The following SLC22A15 variants were observed in gnomAD, a reference collection of about 807,000 sequenced individuals.
SLC22A15 encodes solute carrier family 22 member 15.
In SLC22A15, 45 loss-of-function variants were observed where a neutral mutation model predicts 62.7. The ratio of observed to expected loss-of-function variants is 0.72; its 90% CI spans 0.56 to 0.92. SLC22A15 has a LOEUF of 0.92. Ranked by LOEUF, SLC22A15 falls within the 40% of genes least tolerant of loss-of-function variation. The pLI is 0.00. For synonymous variants in SLC22A15, 264 were observed against 267.0 expected, an observed-to-expected ratio of 0.99 and a Z score of 0.11; for missense variants, 622 against 665.6, an observed-to-expected ratio of 0.93 and a Z score of 0.72.
chr1:115,991,284 T>A (rs1655129538), intron 1 of SLC22A15, among the ~76,000 whole-genome samples: 1 of 152,210 alleles, frequency 6.6e-6, no homozygotes, highest in African/African-American at 2.4e-5. Context: ...ATGGCATATA[T>A]GTTTAATAAA....
At chr1:116,021,789 T>C (rs571465896) in intron 4 of SLC22A15, among the ~76,000 whole-genome samples, 83 of 152,306 alleles carry the variant, frequency 5.4e-4, no homozygotes, top group Admixed American at 9.2e-4. Flanking sequence ...GATGATGAAA[T>C]TGAGCCTTTG....
intron 6 of SLC22A15, 159 bp downstream of exon 6, chr1:116,031,740 T>G: frequency 6.9e-7 from 1 of 1,440,868 alleles, no homozygotes; most frequent in Non-Finnish European, 9.1e-7. Flanking sequence ...GCGCCTGGTT[T>G]TCTGCTTGCG....
chr1:116,045,738 CA>C (rs34360597), intron 8 of SLC22A15, among the ~76,000 whole-genome samples: 2,197 of 101,576 alleles, frequency 0.022, 32 homozygotes, highest in African/African-American at 0.079. Flanking sequence ...GACTCCATCT[CA>C]AAAAAAAAAA....
intron 2 of SLC22A15, among the ~76,000 whole-genome samples, chr1:116,011,486 T>C (rs757699755): frequency 6.6e-6 from 1 of 152,128 alleles, no homozygotes; most frequent in Admixed American, 6.5e-5. Context: ...CCTGGAGATA[T>C]TGTGTGTGAA....
At chr1:116,002,538 C>T (rs981525495) in intron 2 of SLC22A15, among the ~76,000 whole-genome samples, 3 of 152,016 alleles carry the variant, frequency 2.0e-5, no homozygotes, top group Admixed American at 6.6e-5. Flanking sequence ...TTTACTGGGG[C>T]TGAGCTGGTA....
chr1:115,997,728 T>C (rs968241738), intron 2 of SLC22A15, among the ~76,000 whole-genome samples: 3 of 152,130 alleles, frequency 2.0e-5, no homozygotes, highest in African/African-American at 7.2e-5. Flanking sequence ...TCAGATCATA[T>C]CATCTGCAAA....
At chr1:116,061,736 A>G (rs1658384969) in intron 8 of SLC22A15, among the ~76,000 whole-genome samples, 1 of 152,168 alleles carries the variant, frequency 6.6e-6, no homozygotes, top group Non-Finnish European at 1.5e-5. Context: ...TAATGTTAAT[A>G]AAGGAAAAAA....
Position 116,003,871 on chromosome 1 carries a change from T to C in SLC22A15, c.300+11628T>C, listed in dbSNP as rs868227387. Among the ~76,000 whole-genome samples the C allele has an allele frequency of 9.8e-5, 15 of 152,338 alleles. No homozygotes were observed. In the Middle Eastern group the frequency reaches 0.01, roughly 104 times the overall value. ...CCAAAGAGCTGATGTTTATGGTTTC[T>C]TTTGAATAAACATAGAAATTGACCC... On this transcript the variant is annotated intron_variant, in intron 2 of 11. Transcript: ENST00000369503.
chr1:116,066,659 G>A lies in SLC22A15; in HGVS notation c.1505G>A (p.Arg502His), dbSNP rs188663712. 464 of 1,612,754 alleles carry A rather than the reference G, an allele frequency of 2.9e-4. No homozygotes were observed. In the African/African-American group the frequency reaches 5.2e-3, roughly 18 times the overall value. The change falls in exon 11 of 12, where the codon CGC becomes CAC. Residue 502 changes from arginine to histidine, a missense_variant. Arg to His is a conservative substitution (Grantham distance 29). Coordinates refer to ENST00000369503, the MANE Select transcript of SLC22A15 (RefSeq NM_018420.3). Reference sequence around the variant, plus strand: ...TCCGACCTTCAGGTGTATTCGTATCGCAGGCTGGGAGAAGAAGCATTATCT... The same window carrying A: ...TCCGACCTTCAGGTGTATTCGTATCACAGGCTGGGAGAAGAAGCATTATCT... ...TFSDLQVYSY[R>H]RLGEEALSLQ...
intron 8 of SLC22A15, among the ~76,000 whole-genome samples, chr1:116,042,151 C>A (rs1657805602): frequency 6.8e-6 from 1 of 146,872 alleles, no homozygotes; most frequent in Non-Finnish European, 1.5e-5. Context: ...ACCAGGCATG[C>A]AAATAAGCAG....
At chr1:116,013,104 G>C (rs765751430) in intron 2 of SLC22A15, among the ~76,000 whole-genome samples, 21 of 152,186 alleles carry the variant, frequency 1.4e-4, no homozygotes, top group Non-Finnish European at 2.8e-4. Context: ...TGTTCGGTAG[G>C]TTAGGTGCAT....
At chr1:116,009,323 T>A (rs1656133206) in intron 2 of SLC22A15, among the ~76,000 whole-genome samples, 1 of 152,124 alleles carries the variant, frequency 6.6e-6, no homozygotes, top group South Asian at 2.1e-4. Context: ...GAGTGTGAAT[T>A]ATATGTTAGT....
chr1:116,043,521 AAAG>A (rs1304846633), intron 8 of SLC22A15, among the ~76,000 whole-genome samples: 5 of 152,200 alleles, frequency 3.3e-5, no homozygotes, highest in Non-Finnish European at 7.3e-5. Context: ...TATCAGAAAA[AAAG>A]AAAGTTTTCA....
At chr1:116,008,655 C>T (rs376822836) in intron 2 of SLC22A15, among the ~76,000 whole-genome samples, 1 of 152,204 alleles carries the variant, frequency 6.6e-6, no homozygotes, top group Non-Finnish European at 1.5e-5. Context: ...AAGATGCTCG[C>T]AGTCACCTGC....
intron 1 of SLC22A15, among the ~76,000 whole-genome samples, chr1:115,985,205 G>A (rs1202271403): frequency 6.6e-6 from 1 of 152,056 alleles, no homozygotes; most frequent in Non-Finnish European, 1.5e-5. Flanking sequence ...ATCTTTTATT[G>A]TATATTTTCT....
intron 8 of SLC22A15, among the ~76,000 whole-genome samples, chr1:116,054,722 A>G (rs1658154969): frequency 6.6e-6 from 1 of 152,240 alleles, no homozygotes; most frequent in African/African-American, 2.4e-5. Flanking sequence ...CCACAGTGCA[A>G]TCAAACTAGA....
chr1:115,985,155 G>A lies in SLC22A15; in HGVS notation c.88-6876G>A, dbSNP rs116458460. 9.8e-3 allele frequency among the ~76,000 whole-genome samples: 1,491 copies of A among 152,236 alleles called. 21 individuals are homozygous for A. The highest frequency in any genetic ancestry group is 0.032 in the African/African-American group (1,329 of 41,534). The stretch of plus-strand genomic sequence containing the variant: ...GGCAACTTCCAGTCCCGCAGGCTCC[G>A]TTCATGGTAAGTGTCCTTTACAGGT... On this transcript the variant is annotated intron_variant, in intron 1 of 11. Coordinates refer to ENST00000369503, the MANE Select transcript of SLC22A15 (RefSeq NM_018420.3).
At chr1:116,016,472 C>T (rs1215239088) in intron 2 of SLC22A15, among the ~76,000 whole-genome samples, 2 of 152,166 alleles carry the variant, frequency 1.3e-5, no homozygotes, top group East Asian at 1.9e-4. Context: ...AGCAATCCAC[C>T]GGCCTCAGCT....
chr1:116,067,108 A>C lies in SLC22A15; in HGVS notation c.1644A>C (p.Ter548CysextTer7). The stretch of plus-strand genomic sequence containing the variant: ...ATGAAGAGACTCAGATGATCAAGTG[A>C]AGAGCCCCAGATTCCCCCTAAGAAG... ...DADEETQMIK[*>C] The change falls in exon 12 of 12, where the codon TGA becomes TGC. Residue 548 changes from the stop codon to cysteine, a stop_lost. Transcript: ENST00000369503. 1 of 1,609,348 alleles carries C rather than the reference A, an allele frequency of 6.2e-7. No homozygotes were observed. The highest frequency in any genetic ancestry group is 8.5e-7 in the Non-Finnish European group (1 of 1,177,706).
Sources: allele counts gnomAD v4.1 joint callset (sites outside exome capture counted in the v4.1 genomes callset), GRCh38; gene constraint gnomAD v4.1.1; transcripts MANE v1.5; gene names NCBI Gene and HGNC (gene_info 2026-07-23, HGNC 2026-07-21).